SPART: variants seen among roughly 807,000 people sequenced by gnomAD.
SPART encodes the protein spastic paraplegia 20 (Troyer syndrome).
In SPART, 35 loss-of-function variants were observed where a neutral mutation model predicts 58.7. That is an observed-to-expected ratio of 0.60 (90% CI 0.46 to 0.79). The LOEUF is 0.79. SPART is among the 30% of genes least tolerant of loss of function. The pLI, the probability that SPART is intolerant of heterozygous loss-of-function variation, is 0.00. For synonymous variants in SPART, 284 were observed against 280.7 expected, an observed-to-expected ratio of 1.01 and a Z score of -0.12; for missense variants, 730 against 786.1, an observed-to-expected ratio of 0.93 and a Z score of 0.85.
chr13:36,326,555 A>G lies in SPART; in HGVS notation c.1288+20T>C. On this transcript the variant is annotated intron_variant, in intron 5 of 8. Transcript: ENST00000438666. ...AGGCTTAATGTCATACAGGGAAAAA[A>G]ATTAACATTACTGTAATACCTGACA... The G allele has an allele frequency of 6.2e-7, 1 of 1,612,914 alleles. No homozygotes were observed.
intron 1 of SPART, among the ~76,000 whole-genome samples, chr13:36,336,719 C>A (rs1884045178): frequency 6.6e-6 from 1 of 152,060 alleles, no homozygotes; most frequent in Non-Finnish European, 1.5e-5. Context: ...CATGTGCATG[C>A]CAAAAACATG....
At chr13:36,339,167 C>T (rs1329631227) in intron 1 of SPART, among the ~76,000 whole-genome samples, 5 of 151,290 alleles carry the variant, frequency 3.3e-5, no homozygotes, top group Non-Finnish European at 5.9e-5. Flanking sequence ...AAGTGGGATG[C>T]GTGCATACTG....
At chr13:36,309,458 A>G (rs1270135981) in intron 8 of SPART, among the ~76,000 whole-genome samples, 1 of 152,198 alleles carries the variant, frequency 6.6e-6, no homozygotes. Flanking sequence ...TGCACTATTC[A>G]TAACAGCAAA....
intron 3 of SPART, among the ~76,000 whole-genome samples, chr13:36,330,157 A>G (rs1346215542): frequency 6.6e-6 from 1 of 152,186 alleles, no homozygotes; most frequent in Non-Finnish European, 1.5e-5. Context: ...AGGTCCAGTT[A>G]ACGTAGGGGT....
At chr13:36,366,990 C>T (rs1389255587) in intron 1 of SPART, among the ~76,000 whole-genome samples, 1 of 152,144 alleles carries the variant, frequency 6.6e-6, no homozygotes, top group Admixed American at 6.5e-5. Flanking sequence ...CCAGGAGGAG[C>T]GCTAGCTGCT....
intron 5 of SPART, among the ~76,000 whole-genome samples, chr13:36,317,529 C>CG (rs113158205): frequency 3.4e-5 from 5 of 146,406 alleles, no homozygotes; most frequent in East Asian, 2.1e-4. Flanking sequence ...TTCCGTGCCC[C>CG]ACCCCTTATT....
chr13:36,324,516 G>T (rs1882718642), intron 5 of SPART, among the ~76,000 whole-genome samples: 1 of 152,170 alleles, frequency 6.6e-6, no homozygotes, highest in Non-Finnish European at 1.5e-5. Context: ...CCCAGATGAA[G>T]CCCTTAGATA....
intron 5 of SPART, among the ~76,000 whole-genome samples, chr13:36,316,381 C>T (rs908534896): frequency 3.9e-5 from 6 of 152,070 alleles, no homozygotes; most frequent in Non-Finnish European, 5.9e-5. Flanking sequence ...TGCACATATA[C>T]GCCCAGATGG....
intron 1 of SPART, among the ~76,000 whole-genome samples, chr13:36,345,349 T>A (rs1256354682): frequency 6.6e-6 from 1 of 152,216 alleles, no homozygotes; most frequent in African/African-American, 2.4e-5. Flanking sequence ...TCTACGATTA[T>A]AAAGAACTGC....
intron 1 of SPART, chr13:36,365,549 C>T (rs557936993): frequency 1.6e-5 from 7 of 443,130 alleles, no homozygotes; most frequent in East Asian, 7.4e-5. Context: ...TCCTATAAAC[C>T]GCCTATTGAT....
intron 5 of SPART, among the ~76,000 whole-genome samples, chr13:36,316,202 C>G (rs1881681238): frequency 6.6e-6 from 1 of 152,204 alleles, no homozygotes; most frequent in African/African-American, 2.4e-5. Context: ...TAACTCAAAC[C>G]TAACTACTAC....
At chr13:36,348,822 T>A (rs1158632187), upstream of SPART, among the ~76,000 whole-genome samples, 1 of 152,152 alleles carries the variant, frequency 6.6e-6, no homozygotes, top group Non-Finnish European at 1.5e-5. Flanking sequence ...CAAATGACTT[T>A]TTTGCAGAAT....
chr13:36,328,753 A>C (rs1374411780), intron 4 of SPART, among the ~76,000 whole-genome samples: 1 of 152,166 alleles, frequency 6.6e-6, no homozygotes, highest in African/African-American at 2.4e-5. Flanking sequence ...GAAACCACTC[A>C]GTATATTTTT....
At chr13:36,308,808 G>T (rs1184331264) in intron 8 of SPART, among the ~76,000 whole-genome samples, 1 of 151,976 alleles carries the variant, frequency 6.6e-6, no homozygotes, top group Admixed American at 6.6e-5. Flanking sequence ...CTGATCCAAA[G>T]TAACCTCAGG....
chr13:36,306,202 C>T (rs1880493567), intron 8 of SPART, among the ~76,000 whole-genome samples: 1 of 152,196 alleles, frequency 6.6e-6, no homozygotes, highest in South Asian at 2.1e-4. Flanking sequence ...CCTACAACTG[C>T]TTCGGACAGT....
At chr13:36,360,735 A>T (rs1276507509) in intron 1 of SPART, 3 of 152,892 alleles carry the variant, frequency 2.0e-5, no homozygotes, top group Non-Finnish European at 2.9e-5. Context: ...TTGCTGCCTA[A>T]ATATGGTAAG....
chr13:36,316,289 C>T (rs969107526), intron 5 of SPART, among the ~76,000 whole-genome samples: 1 of 152,234 alleles, frequency 6.6e-6, no homozygotes, highest in South Asian at 2.1e-4. Flanking sequence ...ACAGAAGTCA[C>T]TGACCAGGTG....
At chr13:36,337,519 T>G (rs1241552592) in intron 1 of SPART, among the ~76,000 whole-genome samples, 1 of 152,212 alleles carries the variant, frequency 6.6e-6, no homozygotes, top group East Asian at 1.9e-4. Flanking sequence ...TTTTTCCAGC[T>G]TTTGCTAGCT....
chr13:36,325,454 A>G (rs1024285552), intron 5 of SPART, among the ~76,000 whole-genome samples: 6 of 152,116 alleles, frequency 3.9e-5, no homozygotes, highest in African/African-American at 1.4e-4. Flanking sequence ...TATGTTGAAG[A>G]TTTCCTCTGC....
Sources: allele counts gnomAD v4.1 joint callset (sites outside exome capture counted in the v4.1 genomes callset), GRCh38; gene constraint gnomAD v4.1.1; transcripts MANE v1.5; gene names NCBI Gene and HGNC (gene_info 2026-07-23, HGNC 2026-07-21).